ANO3: variants seen among roughly 807,000 people sequenced by gnomAD.
ANO3 encodes anoctamin-3.
In ANO3, 99 loss-of-function variants were observed where a neutral mutation model predicts 144.8. The observed-to-expected ratio is 0.68, with a 90% CI of 0.58 to 0.81. ANO3 has a LOEUF of 0.81. ANO3 is among the 30% of genes least tolerant of loss of function. ANO3 has a pLI of 0.00. For synonymous variants in ANO3, 414 were observed against 392.6 expected, an observed-to-expected ratio of 1.05 and a Z score of -0.64; for missense variants, 905 against 1,202.2, an observed-to-expected ratio of 0.75 and a Z score of 3.66.
intron 14 of ANO3, among the ~76,000 whole-genome samples, chr11:26,597,961 C>T (rs528296861): frequency 6.6e-6 from 1 of 152,286 alleles, no homozygotes; most frequent in African/African-American, 2.4e-5. Flanking sequence ...CTCTCCTACA[C>T]CATCTCTCTG....
In ANO3 at chr11:26,608,043, C is replaced by T. The variant is rs567302184; in HGVS notation, c.1836+8329C>T. Among the ~76,000 whole-genome samples the T allele has an allele frequency of 4.5e-3, 679 of 152,232 alleles. 6 individuals carry two copies. Among genetic ancestry groups the T allele is most frequent in the Non-Finnish European group, 6.6e-3 (448 of 68,012 alleles). Reference sequence around the variant, plus strand: ...GCCTTTTGGGTTTTCAGCATTTTTTCGTTGATTCTTTCTCATCTTCGTTAG... The same window carrying T: ...GCCTTTTGGGTTTTCAGCATTTTTTTGTTGATTCTTTCTCATCTTCGTTAG... On this transcript the variant is annotated intron_variant, in intron 17 of 26. Coordinates refer to ENST00000256737, the MANE Select transcript of ANO3 (RefSeq NM_031418.4).
intron 1 of ANO3, among the ~76,000 whole-genome samples, chr11:26,433,154 A>C (rs1420040973): frequency 6.6e-6 from 1 of 151,896 alleles, no homozygotes; most frequent in African/African-American, 2.4e-5. Flanking sequence ...TTTGTGTGGC[A>C]ATTGTGAAAG....
chr11:26,451,643 T>C lies in ANO3; in HGVS notation c.313+7807T>C, dbSNP rs549154400. On this transcript the variant is annotated intron_variant, in intron 3 of 26. Transcript: ENST00000256737. Reference sequence around the variant, plus strand: ...GAGGCCTGCCTGCCTCTGTAGGCTCTACCTCTGGGGCAGGGCACAGACAAA... The same window carrying C: ...GAGGCCTGCCTGCCTCTGTAGGCTCCACCTCTGGGGCAGGGCACAGACAAA... 4.6e-5 allele frequency among the ~76,000 whole-genome samples: 7 copies of C among 152,308 alleles called. No individual in the cohort carries two copies. In the South Asian group the frequency reaches 8.3e-4, roughly 18 times the overall value.
At chr11:26,580,522 T>A (rs1421944659) in intron 14 of ANO3, among the ~76,000 whole-genome samples, 1 of 152,168 alleles carries the variant, frequency 6.6e-6, no homozygotes, top group Non-Finnish European at 1.5e-5. Flanking sequence ...TTGGGCACCA[T>A]AGAACATATG....
At position 26,282,773 on chromosome 11, in the gene ANO3, G is replaced by C. The variant is rs541410394; in HGVS notation, c.155-26872G>C. Among the ~76,000 whole-genome samples the C allele has an allele frequency of 3.0e-4, 45 of 152,100 alleles. 1 individual carries two copies. The highest frequency in any genetic ancestry group is 1.1e-3 in the African/African-American group (45 of 41,522). On this transcript the variant is annotated intron_variant, in intron 1 of 27. Coordinates refer to the ANO3 transcript ENST00000672621. ...ATGAAGCCTCAGTAGTCTTAAATTT[G>C]GGGAAATTTTTGAATAAAAAGAATA...
chr11:26,407,613 T>G (rs1857322812), intron 1 of ANO3, among the ~76,000 whole-genome samples: 1 of 151,870 alleles, frequency 6.6e-6, no homozygotes, highest in African/African-American at 2.4e-5. Flanking sequence ...CTTGTCATGA[T>G]TTTACTCATA....
chr11:26,283,357 T>TACACAC (rs1194770669), intron 1 of ANO3, among the ~76,000 whole-genome samples: 3 of 113,768 alleles, frequency 2.6e-5, no homozygotes, highest in African/African-American at 9.8e-5. Flanking sequence ...TATATATATA[T>TACACAC]ATATATATAG....
In ANO3 at chr11:26,531,268, G is replaced by C; in HGVS notation, c.801G>C (p.Lys267Asn). The change falls in exon 8 of 27, where the codon AAG becomes AAC. Residue 267 changes from lysine (K) to asparagine (N), a missense_variant. By Grantham distance (94) the Lys-to-Asn change is moderately conservative. Transcript: ENST00000256737. ...CCCAAAACCCAATGGTTCTTGACAA[G>C]TCAGCTTTTCCAGACCTAGAGGAGT... ...WMAQNPMVLDKSAFPDLEESD... is the reference protein window; with the variant it reads ...WMAQNPMVLDNSAFPDLEESD... The C allele has an allele frequency of 6.2e-7, 1 of 1,614,088 alleles. No individual in the cohort carries two copies. The highest frequency in any genetic ancestry group is 8.5e-7 in the Non-Finnish European group (1 of 1,179,998).
At chr11:26,596,506 C>T (rs993662102) in intron 14 of ANO3, among the ~76,000 whole-genome samples, 1 of 152,138 alleles carries the variant, frequency 6.6e-6, no homozygotes, top group African/African-American at 2.4e-5. Flanking sequence ...CTGCCCATGT[C>T]GAGAGCTGTA....
At chr11:26,393,854 T>C (rs534821754) in intron 1 of ANO3, among the ~76,000 whole-genome samples, 4 of 152,310 alleles carry the variant, frequency 2.6e-5, no homozygotes, top group African/African-American at 9.6e-5. Context: ...AATATTTTAA[T>C]GCTTTCATTG....
intron 9 of ANO3, among the ~76,000 whole-genome samples, chr11:26,536,666 C>T (rs867744245): frequency 4.6e-5 from 7 of 152,034 alleles, no homozygotes; most frequent in African/African-American, 1.2e-4. Context: ...AATTACTCTT[C>T]GAAAACATTA....
rs28429388 is a variant in ANO3 at position 26,515,987 on chromosome 11, T to C, written c.592-840T>C. Among the ~76,000 whole-genome samples the C allele has an allele frequency of 8.6e-3, 1,299 of 151,892 alleles. 24 individuals are homozygous for C. The highest frequency in any genetic ancestry group is 0.03 in the African/African-American group (1,237 of 41,500). ...AAGCAGGGTCGAATATGAACATGAG[T>C]GATGTATGATGCCTAGGTAGTCAGT... On this transcript the variant is annotated intron_variant, in intron 5 of 26. Transcript: ENST00000256737.
At chr11:26,431,764 T>C (rs1858099161) in intron 1 of ANO3, among the ~76,000 whole-genome samples, 1 of 152,212 alleles carries the variant, frequency 6.6e-6, no homozygotes, top group South Asian at 2.1e-4. Context: ...TTCCATAGTG[T>C]ATATGTACCA....
chr11:26,508,044 T>C, intron 4 of ANO3, 60 bp from the exon 5 acceptor site: 2 of 1,475,508 alleles, frequency 1.4e-6, no homozygotes, highest in Non-Finnish European at 1.8e-6. Context: ...GCAGTAACTG[T>C]AACTAAAACA....
At position 26,429,901 on chromosome 11, in the gene ANO3, T is replaced by C. The variant is rs1423854879; in HGVS notation, c.47-12017T>C. Among the ~76,000 whole-genome samples the C allele has an allele frequency of 4.6e-5, 7 of 150,806 alleles. No homozygotes were observed. The East Asian group carries it at 1.4e-3, about 29-fold the overall frequency. On this transcript the variant is annotated intron_variant, in intron 1 of 26. Coordinates refer to ENST00000256737, the MANE Select transcript of ANO3 (RefSeq NM_031418.4). Reference sequence around the variant, plus strand: ...TAGATACTAACACACTAATAGAAAGTTAACACCCTTATTTCAAGGCAGGAC... The same window carrying C: ...TAGATACTAACACACTAATAGAAAGCTAACACCCTTATTTCAAGGCAGGAC...
At chr11:26,198,763 C>T (rs563188147) in intron 1 of ANO3, among the ~76,000 whole-genome samples, 10 of 152,244 alleles carry the variant, frequency 6.6e-5, no homozygotes, top group African/African-American at 1.9e-4. Flanking sequence ...AGTTTATGCC[C>T]CATATTTAAG....
At chr11:26,656,349 C>G in intron 25 of ANO3, 27 bp from the exon 26 acceptor site, 1 of 1,531,942 alleles carries the variant, frequency 6.5e-7, no homozygotes, top group Non-Finnish European at 9.0e-7. Context: ...CTCTATTTGT[C>G]ATTCTCTTTG....
At chr11:26,330,765 T>G (rs1037568207), upstream of ANO3, among the ~76,000 whole-genome samples, 1 of 152,242 alleles carries the variant, frequency 6.6e-6, no homozygotes, top group African/African-American at 2.4e-5. Flanking sequence ...CAAAGCTATA[T>G]TCCCCTCATT....
At chr11:26,648,412 C>G (rs1853419596) in intron 24 of ANO3, among the ~76,000 whole-genome samples, 1 of 152,154 alleles carries the variant, frequency 6.6e-6, no homozygotes, top group African/African-American at 2.4e-5. Flanking sequence ...TTCTCAGCCT[C>G]TGCACTATTG....
Sources: allele counts gnomAD v4.1 joint callset (sites outside exome capture counted in the v4.1 genomes callset), GRCh38; gene constraint gnomAD v4.1.1; transcripts MANE v1.5; gene names NCBI Gene and HGNC (gene_info 2026-07-23, HGNC 2026-07-21).